The following ZHX2 variants were observed in gnomAD, a reference collection of about 807,000 sequenced individuals.
ZHX2 encodes zinc fingers and homeoboxes 2.
Under a neutral mutation model 21.9 loss-of-function variants are expected in ZHX2, and 6 were observed. The observed-to-expected ratio is 0.27, with a 90% CI of 0.15 to 0.54. ZHX2 has a LOEUF of 0.54. Ranked by LOEUF, ZHX2 falls within the 20% of genes least tolerant of loss-of-function variation. ZHX2 has a pLI of 0.95. For missense variants in ZHX2, 908 were observed against 1,090.7 expected, an observed-to-expected ratio of 0.83 and a Z score of 2.36; for synonymous variants, 434 against 437.1, an observed-to-expected ratio of 0.99 and a Z score of 0.09.
At chr8:122,924,188 G>T (rs1820800033) in intron 2 of ZHX2, among the ~76,000 whole-genome samples, 1 of 152,144 alleles carries the variant, frequency 6.6e-6, no homozygotes, top group Admixed American at 6.5e-5. Context: ...CAACGCTGAG[G>T]TCAACAGGGC....
At chr8:122,812,956 G>A (rs11990273) in intron 1 of ZHX2, among the ~76,000 whole-genome samples, 3,089 of 152,272 alleles carry the variant, frequency 0.02, 121 homozygotes, top group African/African-American at 0.07. Context: ...AGCACTTTGG[G>A]AGGCCAAGGC....
chr8:122,948,643 G>A (rs982057017), intron 2 of ZHX2, among the ~76,000 whole-genome samples: 11 of 152,222 alleles, frequency 7.2e-5, no homozygotes, highest in African/African-American at 2.4e-4. Flanking sequence ...CAGCTAGATC[G>A]ATACACAGAT....
intron 3 of ZHX2, among the ~76,000 whole-genome samples, chr8:122,955,871 G>A (rs1310649134): frequency 8.0e-6 from 1 of 125,626 alleles, no homozygotes; most frequent in Non-Finnish European, 1.6e-5. Context: ...TTGAGACAGA[G>A]TCTCACTCTG....
At position 122,875,577 on chromosome 8, in the gene ZHX2, C is replaced by T. The variant is rs976025453; in HGVS notation, c.-220+12038C>T. Reference sequence around the variant, plus strand: ...ATAAGATTTGTAGCAACAGCAGCAGCGCCGGTAGCAACAGCAGGTGCGGTA... The same window carrying T: ...ATAAGATTTGTAGCAACAGCAGCAGTGCCGGTAGCAACAGCAGGTGCGGTA... On this transcript the variant is annotated intron_variant, in intron 2 of 3. Transcript: ENST00000314393. Among the ~76,000 whole-genome samples the T allele has an allele frequency of 6.0e-5, 9 of 149,632 alleles. No homozygotes were observed. The Middle Eastern group carries it at 0.01, about 171-fold the overall frequency.
At chr8:122,862,656 G>C (rs1403916569) in intron 1 of ZHX2, among the ~76,000 whole-genome samples, 1 of 152,182 alleles carries the variant, frequency 6.6e-6, no homozygotes, top group African/African-American at 2.4e-5. Context: ...CTTTCCCCCA[G>C]CCAAAAGGTT....
At chr8:122,795,825 C>G (rs1817602937) in intron 1 of ZHX2, among the ~76,000 whole-genome samples, 1 of 152,140 alleles carries the variant, frequency 6.6e-6, no homozygotes, top group South Asian at 2.1e-4. Flanking sequence ...GACATCTGAT[C>G]CCATATACTT....
chr8:122,871,373 T>C (rs1261266965), intron 2 of ZHX2, among the ~76,000 whole-genome samples: 1 of 151,752 alleles, frequency 6.6e-6, no homozygotes, highest in Non-Finnish European at 1.5e-5. Flanking sequence ...TTCATGTCCT[T>C]TGTAGGGACA....
intron 1 of ZHX2, among the ~76,000 whole-genome samples, chr8:122,854,920 T>G (rs992161887): frequency 1.3e-5 from 2 of 152,250 alleles, no homozygotes; most frequent in African/African-American, 4.8e-5. Context: ...TTGAAAGCAG[T>G]AGCCAAATAG....
intron 3 of ZHX2, among the ~76,000 whole-genome samples, chr8:122,961,379 A>AG (rs1413861963): frequency 1.3e-5 from 2 of 152,142 alleles, no homozygotes; most frequent in Non-Finnish European, 2.9e-5. Flanking sequence ...ATATGAATTT[A>AG]GGGGGGATAT....
In ZHX2 at chr8:122,782,176, CAG is replaced by C. The variant is rs970838108; in HGVS notation, c.-283+235_-283+236del. On this transcript the variant is annotated intron_variant, in intron 1 of 3. Transcript: ENST00000314393. The surrounding 1 kb of genome is among the most constrained non-coding windows in gnomAD (Gnocchi z 5.3). ...GCGGGTGGGAGGAAATGAGCGGATACAGAGAGGGAAGAAGATTTTTTTTTTAA... is the reference window on the plus strand; with the variant it reads ...GCGGGTGGGAGGAAATGAGCGGATACAGAGGGAAGAAGATTTTTTTTTTAA... Among the ~76,000 whole-genome samples the C allele has an allele frequency of 9.3e-5, 14 of 151,186 alleles. No individual in the cohort carries two copies. Among genetic ancestry groups the C allele is most frequent in the Admixed American group, 2.0e-4 (3 of 15,210 alleles).
intron 2 of ZHX2, among the ~76,000 whole-genome samples, chr8:122,912,695 G>A (rs1820511334): frequency 6.6e-6 from 1 of 152,138 alleles, no homozygotes; most frequent in Non-Finnish European, 1.5e-5. Context: ...GAGGCTTAAA[G>A]AACCTAAGTG....
intron 1 of ZHX2, among the ~76,000 whole-genome samples, chr8:122,817,342 T>C (rs1166171283): frequency 6.6e-6 from 1 of 152,152 alleles, no homozygotes; most frequent in Non-Finnish European, 1.5e-5. Context: ...GCCCACTCAC[T>C]GTGCCCAGCA....
At chr8:122,799,318 A>G (rs997582706) in intron 1 of ZHX2, among the ~76,000 whole-genome samples, 8 of 152,360 alleles carry the variant, frequency 5.3e-5, no homozygotes, top group Middle Eastern at 3.4e-3. Flanking sequence ...CAGAGAAAGA[A>G]AATGACACAT....
chr8:122,870,621 A>C (rs1819407024), intron 2 of ZHX2, among the ~76,000 whole-genome samples: 1 of 123,468 alleles, frequency 8.1e-6, no homozygotes, highest in African/African-American at 3.1e-5. Context: ...CCTGGGTGAC[A>C]GAGCAAGTCT....
chr8:122,964,721 A>C (rs1813535575), intron 3 of ZHX2, among the ~76,000 whole-genome samples: 1 of 36,232 alleles, frequency 2.8e-5, no homozygotes, highest in African/African-American at 3.7e-4. Flanking sequence ...ATTGGTATCA[A>C]TTCTTTTTTT....
chr8:122,866,867 C>G (rs1012326461), intron 2 of ZHX2, among the ~76,000 whole-genome samples: 3 of 152,170 alleles, frequency 2.0e-5, no homozygotes, highest in Non-Finnish European at 4.4e-5. Context: ...CTCTGCCACC[C>G]AGGCTGGAGT....
Position 122,898,573 on chromosome 8 carries a change from A to G in ZHX2, c.-220+35034A>G, listed in dbSNP as rs748888005. On this transcript the variant is annotated intron_variant, in intron 2 of 3. Transcript: ENST00000314393. ...TCTTCCCGTCTCCCCTTCATCCATCACAAGCTCCACATTTTAGGATTATTT... is the reference window on the plus strand; with the variant it reads ...TCTTCCCGTCTCCCCTTCATCCATCGCAAGCTCCACATTTTAGGATTATTT... Among the ~76,000 whole-genome samples, 111 of 152,190 alleles carry G rather than the reference A, an allele frequency of 7.3e-4. 1 individual carries two copies. Among genetic ancestry groups the G allele is most frequent in the South Asian group, 1.0e-3 (5 of 4,832 alleles).
intron 2 of ZHX2, among the ~76,000 whole-genome samples, chr8:122,940,513 G>A (rs1329905302): frequency 6.6e-6 from 1 of 152,124 alleles, no homozygotes; most frequent in East Asian, 1.9e-4. Flanking sequence ...CCAAATGTGT[G>A]GTGATGCTCA....
At chr8:122,859,531 G>A (rs1303937148) in intron 1 of ZHX2, among the ~76,000 whole-genome samples, 1 of 152,142 alleles carries the variant, frequency 6.6e-6, no homozygotes, top group Non-Finnish European at 1.5e-5. Context: ...ATGTGGCTGT[G>A]GAGCATGATG....
Sources: gnomAD v4.1 joint callset for allele counts (sites outside exome capture counted in the v4.1 genomes callset) on GRCh38, gnomAD v4.1.1 for gene constraint, Gnocchi (gnomAD v3.1) non-coding constraint, MANE v1.5 for transcripts, NCBI Gene and HGNC (gene_info 2026-07-23, HGNC 2026-07-21) for gene names.